RASGRF2: variants seen among roughly 807,000 people sequenced by gnomAD.
The protein encoded by RASGRF2 is ras-specific guanine nucleotide-releasing factor 2.
A neutral mutation model predicts 151.0 loss-of-function variants in RASGRF2; 76 were observed. The ratio of observed to expected loss-of-function variants is 0.50; its 90% CI spans 0.42 to 0.61. The LOEUF is 0.61. Among genes scored for constraint, RASGRF2 ranks in the 20% least tolerant of loss-of-function variants. RASGRF2 has a pLI of 0.00. For missense variants in RASGRF2, 1,148 were observed against 1,564.6 expected (o/e 0.73, Z 4.49); for synonymous variants, 504 against 566.5 (o/e 0.89, Z 1.57).
intron 1 of RASGRF2, among the ~76,000 whole-genome samples, chr5:81,036,438 G>A (rs543141586): frequency 1.3e-4 from 20 of 151,928 alleles, no homozygotes; most frequent in African/African-American, 4.1e-4. Context: ...TGGAAATATT[G>A]TTTACTGCAT....
intron 1 of RASGRF2, among the ~76,000 whole-genome samples, chr5:80,976,805 G>T (rs961435678): frequency 2.6e-5 from 4 of 152,094 alleles, no homozygotes; most frequent in Admixed American, 6.6e-5. Context: ...TTTTAAGGTG[G>T]GTCCACATCC....
chr5:81,196,676 G>C (rs1459599473), intron 18 of RASGRF2, among the ~76,000 whole-genome samples: 1 of 127,218 alleles, frequency 7.9e-6, no homozygotes, highest in East Asian at 2.7e-4. Context: ...CACTAATGCC[G>C]GTTGATCAAA....
intron 2 of RASGRF2, among the ~76,000 whole-genome samples, chr5:81,048,664 C>A (rs1234754796): frequency 6.6e-6 from 1 of 152,212 alleles, no homozygotes; most frequent in Non-Finnish European, 1.5e-5. Flanking sequence ...ATCTCACCTG[C>A]AGGAGGGAGC....
intron 17 of RASGRF2, among the ~76,000 whole-genome samples, chr5:81,146,855 G>A (rs1477625915): frequency 6.6e-6 from 1 of 152,146 alleles, no homozygotes; most frequent in African/African-American, 2.4e-5. Flanking sequence ...TTCCCACTCT[G>A]TAGACTAAAT....
chr5:81,161,040 C>A (rs1754371527), intron 17 of RASGRF2, among the ~76,000 whole-genome samples: 2 of 152,140 alleles, frequency 1.3e-5, no homozygotes, highest in Admixed American at 1.3e-4. Flanking sequence ...CTAATAATAT[C>A]CAACCTATAC....
At chr5:81,001,587 C>A (rs73766153) in intron 1 of RASGRF2, among the ~76,000 whole-genome samples, 2,144 of 152,204 alleles carry the variant, frequency 0.014, 59 homozygotes, top group African/African-American at 0.049. Context: ...TGAGCATGGA[C>A]CCTATTCCTG....
At chr5:81,132,646 A>C (rs1753652943) in intron 17 of RASGRF2, among the ~76,000 whole-genome samples, 1 of 152,178 alleles carries the variant, frequency 6.6e-6, no homozygotes, top group African/African-American at 2.4e-5. Flanking sequence ...GTCACTGTAA[A>C]TGTTTGCTGC....
intron 1 of RASGRF2, among the ~76,000 whole-genome samples, chr5:81,036,104 T>C (rs552696081): frequency 6.6e-6 from 1 of 152,234 alleles, no homozygotes; most frequent in South Asian, 2.1e-4. Flanking sequence ...ATAAAGAAAA[T>C]AATTTGAAAA....
Position 81,074,066 on chromosome 5 carries a change from G to T in RASGRF2, c.887+614G>T, listed in dbSNP as rs74979440. ...AACTGAAGAAAATGGAGTGATTATG[G>T]GTTTTTACATGTTAATTATACACAA... On this transcript the variant is annotated intron_variant, in intron 5 of 26. Transcript: ENST00000265080. Among the ~76,000 whole-genome samples, 752 of 152,286 alleles carry T rather than the reference G, an allele frequency of 4.9e-3. 6 individuals carry two copies. Among genetic ancestry groups the T allele is most frequent in the African/African-American group, 0.018 (729 of 41,534 alleles).
chr5:81,096,386 G>A (rs1367225532), intron 12 of RASGRF2: 1 of 152,136 alleles, frequency 6.6e-6, no homozygotes, highest in Admixed American at 6.5e-5. Flanking sequence ...ATTTATTGAG[G>A]AATCACCATG....
Position 81,092,285 on chromosome 5 carries a change from T to A in RASGRF2, c.1391-516T>A, listed in dbSNP as rs543320948. ...AGTTCTTAGCTAAATTTCACTGAAT[T>A]ATATAATTTATATATTTTTATAATA... On this transcript the variant is annotated intron_variant, in intron 9 of 26. Transcript: ENST00000265080. Among the ~76,000 whole-genome samples the A allele has an allele frequency of 5.4e-5, 8 of 149,406 alleles. 2 individuals carry two copies. The highest frequency in any genetic ancestry group is 2.0e-4 in the African/African-American group (8 of 41,024).
chr5:81,181,976 T>C (rs1400226720), intron 18 of RASGRF2, among the ~76,000 whole-genome samples: 1 of 149,742 alleles, frequency 6.7e-6, no homozygotes, highest in South Asian at 2.1e-4. Flanking sequence ...GGTGAAAAAA[T>C]TCATAGATGG....
intron 1 of RASGRF2, among the ~76,000 whole-genome samples, chr5:80,969,726 C>G (rs949210657): frequency 4.6e-5 from 7 of 151,318 alleles, no homozygotes; most frequent in Non-Finnish European, 8.8e-5. Flanking sequence ...GCTGGGATTA[C>G]AGGCGTGAGC....
Position 81,206,879 on chromosome 5 carries a change from C to T in RASGRF2, c.2941C>T (p.Leu981=), listed in dbSNP as rs754828990. The stretch of plus-strand genomic sequence containing the variant: ...ACAAGATGACCAAGATGACATCCAC[C>T]TAAAATTAGAGGATATAATTCAAAT... ...LSQDDQDDIH[L]KLEDIIQMTD... The change falls in exon 20 of 27, where the codon CTA becomes TTA. Residue 981 remains leucine, a synonymous_variant. Transcript: ENST00000265080. The T allele has an allele frequency of 1.8e-5, 29 of 1,610,428 alleles. No individual in the cohort carries two copies. The East Asian group carries it at 6.5e-4, about 36-fold the overall frequency.
chr5:80,970,053 A>G (rs1307726444), intron 1 of RASGRF2, among the ~76,000 whole-genome samples: 2 of 149,006 alleles, frequency 1.3e-5, no homozygotes, highest in African/African-American at 5.0e-5. Flanking sequence ...TTGAACTCCT[A>G]ACCTCAGGTG....
chr5:80,968,935 T>A (rs1747813159), intron 1 of RASGRF2, among the ~76,000 whole-genome samples: 1 of 152,022 alleles, frequency 6.6e-6, no homozygotes, highest in Admixed American at 6.6e-5. Context: ...TCTCCTACCT[T>A]GGCCTCCCAA....
At chr5:81,094,805 T>G in intron 11 of RASGRF2, 51 bp from the exon 12 acceptor site, 1 of 1,524,138 alleles carries the variant, frequency 6.6e-7, no homozygotes, top group Non-Finnish European at 9.1e-7. Flanking sequence ...CAGCTATCAC[T>G]CTTTGTTTTT....
chr5:81,113,199 G>A (rs1189537453), intron 14 of RASGRF2, among the ~76,000 whole-genome samples: 1 of 150,900 alleles, frequency 6.6e-6, no homozygotes, highest in East Asian at 1.9e-4. Flanking sequence ...AGAATCAGTT[G>A]CGTGTGGTGT....
chr5:81,157,227 G>T (rs891752915), intron 17 of RASGRF2, among the ~76,000 whole-genome samples: 2 of 151,664 alleles, frequency 1.3e-5, no homozygotes, highest in Admixed American at 6.6e-5. Flanking sequence ...GGTGGTGGGC[G>T]CCTGTAGTCC....
Sources: gnomAD v4.1 joint callset for allele counts (sites outside exome capture counted in the v4.1 genomes callset) on GRCh38, gnomAD v4.1.1 for gene constraint, MANE v1.5 for transcripts, NCBI Gene and HGNC (gene_info 2026-07-23, HGNC 2026-07-21) for gene names.